PLCG2: variants seen among roughly 807,000 people sequenced by gnomAD.
PLCG2 encodes the protein 1-phosphatidylinositol 4,5-bisphosphate phosphodiesterase gamma-2.
A neutral mutation model predicts 175.6 loss-of-function variants in PLCG2; 69 were observed. That is an observed-to-expected ratio of 0.39 (90% CI 0.32 to 0.48). PLCG2 has a LOEUF of 0.48. Ranked by LOEUF, PLCG2 falls within the 20% of genes least tolerant of loss-of-function variation. The pLI is 0.91. For missense variants in PLCG2, 1,798 were observed against 1,650.9 expected (o/e 1.09, Z -1.54); for synonymous variants, 827 against 624.0 (o/e 1.33, Z -4.85).
At chr16:81,864,571 A>T (rs1907136675) in intron 5 of PLCG2, among the ~76,000 whole-genome samples, 1 of 152,210 alleles carries the variant, frequency 6.6e-6, no homozygotes, top group Non-Finnish European at 1.5e-5. Context: ...CATGTGTAAA[A>T]GATAAAATAA....
chr16:81,767,120 A>G (rs1045950338), intron 2 of PLCG2, among the ~76,000 whole-genome samples: 15 of 144,476 alleles, frequency 1.0e-4, no homozygotes, highest in Admixed American at 3.5e-4. Flanking sequence ...CACCCCATTC[A>G]ACTGATAAAC....
chr16:81,882,724 C>T (rs1289581289), intron 8 of PLCG2, among the ~76,000 whole-genome samples: 1 of 151,932 alleles, frequency 6.6e-6, no homozygotes, highest in African/African-American at 2.4e-5. Flanking sequence ...TCTGCACCTC[C>T]TTCTTGCTCA....
intron 16 of PLCG2, 141 bp from the exon 17 acceptor site, chr16:81,908,275 C>A: frequency 5.6e-6 from 4 of 709,536 alleles, no homozygotes; most frequent in South Asian, 3.8e-5. Context: ...TTTTCCCATA[C>A]CCCTTCGGGT....
intron 13 of PLCG2, among the ~76,000 whole-genome samples, chr16:81,897,272 T>C (rs1157070700): frequency 6.6e-6 from 1 of 152,246 alleles, no homozygotes; most frequent in Non-Finnish European, 1.5e-5. Context: ...TTATACTTTC[T>C]GGGGTAGAAT....
At chr16:81,848,567 C>G (rs549530623) in intron 2 of PLCG2, among the ~76,000 whole-genome samples, 4 of 152,186 alleles carry the variant, frequency 2.6e-5, no homozygotes, top group Non-Finnish European at 5.9e-5. Context: ...CTCTGTCCCT[C>G]TCTGTCTCCC....
intron 31 of PLCG2, among the ~76,000 whole-genome samples, chr16:81,949,606 T>C (rs952595031): frequency 7.9e-5 from 12 of 152,190 alleles, no homozygotes; most frequent in African/African-American, 2.7e-4. Flanking sequence ...CCTGAATCGA[T>C]GATTATTTTA....
chr16:81,825,116 G>C (rs888102947), intron 2 of PLCG2, among the ~76,000 whole-genome samples: 2 of 152,180 alleles, frequency 1.3e-5, no homozygotes, highest in Admixed American at 6.5e-5. Flanking sequence ...AGCCCAGCGA[G>C]ACCCGTTTTG....
intron 1 of PLCG2, among the ~76,000 whole-genome samples, chr16:81,746,226 C>T (rs1049941131): frequency 6.6e-6 from 1 of 152,328 alleles, no homozygotes; most frequent in South Asian, 2.1e-4. Flanking sequence ...TTCAGCCCTC[C>T]CCGGTGCTTC....
chr16:81,949,313 T>C (rs1183484686), intron 31 of PLCG2, among the ~76,000 whole-genome samples: 1 of 152,188 alleles, frequency 6.6e-6, no homozygotes, highest in Non-Finnish European at 1.5e-5. Flanking sequence ...AGAAAACACA[T>C]CCATACCCTC....
intron 1 of PLCG2, among the ~76,000 whole-genome samples, chr16:81,745,282 T>G (rs939027820): frequency 6.6e-6 from 1 of 152,022 alleles, no homozygotes; most frequent in African/African-American, 2.4e-5. Flanking sequence ...CCATGAGAGG[T>G]AAGGAGAGTT....
At position 81,859,131 on chromosome 16, in the gene PLCG2, G is replaced by C. The variant is rs1316325819; in HGVS notation, c.447G>C (p.Gln149His). 5.0e-6 allele frequency: 8 copies of C among 1,595,294 alleles called. No homozygotes were observed. The highest frequency in any genetic ancestry group is 6.9e-6 in the Non-Finnish European group (8 of 1,162,858). Residue 149 changes from glutamine (Q) to histidine (H), a missense_variant, in exon 5 of 33, where the codon CAG (glutamine) becomes CAC (histidine). By Grantham distance (24) the Gln-to-His change is conservative. Transcript: ENST00000564138. ...TTCTTTCCAGTTGGCTGAGAAAGCA[G>C]ATATATTCTGTGGATCAAACCAGAA... Reference protein sequence around the residue: ...PTIIESWLRKQIYSVDQTRRN... With the variant: ...PTIIESWLRKHIYSVDQTRRN...
chr16:81,881,774 G>A (rs1908091641), intron 8 of PLCG2, among the ~76,000 whole-genome samples: 1 of 151,934 alleles, frequency 6.6e-6, no homozygotes, highest in African/African-American at 2.4e-5. Context: ...CCTCCGAATA[G>A]CTGGGACTAC....
chr16:81,939,835 C>G (rs1567542296), intron 29 of PLCG2, 57 bp from the exon 30 acceptor site: 7 of 1,210,260 alleles, frequency 5.8e-6, no homozygotes, highest in East Asian at 2.3e-5. Flanking sequence ...CGGAGATTGT[C>G]TTACCAGAAG....
chr16:81,785,710 G>A (rs1028840336), intron 1 of PLCG2: 6 of 301,610 alleles, frequency 2.0e-5, no homozygotes, highest in East Asian at 7.7e-5. Flanking sequence ...CAAAGCCCAC[G>A]TAACGGTTGG....
At chr16:81,778,030 A>AAAACAC (rs56027201), upstream of PLCG2, among the ~76,000 whole-genome samples, 344 of 81,910 alleles carry the variant, frequency 4.2e-3, 3 homozygotes, top group African/African-American at 0.017. Context: ...AAAAAAAAAA[A>AAAACAC]ACAAAAAAAA....
At chr16:81,802,119 TTTTTTTTTTTTTGA>T in intron 2 of PLCG2, among the ~76,000 whole-genome samples, 1 of 92,498 alleles carries the variant, frequency 1.1e-5, no homozygotes, top group South Asian at 3.8e-4. Flanking sequence ...TTTTTTTTTT[TTTTTTTTTTTTTGA>T]GACGGATCTC....
intron 2 of PLCG2, among the ~76,000 whole-genome samples, chr16:81,791,844 C>T (rs1433282025): frequency 6.6e-6 from 1 of 152,164 alleles, no homozygotes; most frequent in African/African-American, 2.4e-5. Flanking sequence ...GGATTACAGG[C>T]ATGAACCACT....
In PLCG2 at chr16:81,830,140, T is replaced by C. The variant is rs564891184; in HGVS notation, c.194-24304T>C. Reference sequence around the variant, plus strand: ...TTTGAGAATAGCCTGGGTAACATGATGAAACCCTGTCTCTACAAAAAGTAC... The same window carrying C: ...TTTGAGAATAGCCTGGGTAACATGACGAAACCCTGTCTCTACAAAAAGTAC... On this transcript the variant is annotated intron_variant, in intron 2 of 32. Coordinates refer to ENST00000564138, the MANE Select transcript of PLCG2 (RefSeq NM_002661.5). Among the ~76,000 whole-genome samples the C allele has an allele frequency of 2.0e-5, 3 of 152,080 alleles. No homozygotes were observed. In the East Asian group the frequency reaches 5.8e-4, roughly 29 times the overall value.
chr16:81,829,513 C>T (rs191871461), intron 2 of PLCG2, among the ~76,000 whole-genome samples: 133 of 152,296 alleles, frequency 8.7e-4, no homozygotes, highest in African/African-American at 2.7e-3. Context: ...CCACCACACC[C>T]GGCCCATTTC....
Sources: gnomAD v4.1 joint callset for allele counts (sites outside exome capture counted in the v4.1 genomes callset) on GRCh38, gnomAD v4.1.1 for gene constraint, MANE v1.5 for transcripts, NCBI Gene and HGNC (gene_info 2026-07-23, HGNC 2026-07-21) for gene names.